KPNA3: variants seen among roughly 807,000 people sequenced by gnomAD.
The protein encoded by KPNA3 is karyopherin subunit alpha 3.
KPNA3 carries 13 observed loss-of-function variants against 73.8 expected under a neutral mutation model. That is an observed-to-expected ratio of 0.18 (90% CI 0.11 to 0.28). KPNA3 has a LOEUF of 0.28. Among genes scored for constraint, KPNA3 ranks in the 10% least tolerant of loss-of-function variants. The pLI is 1.00. For synonymous variants in KPNA3, 186 were observed against 206.9 expected, an observed-to-expected ratio of 0.90 and a Z score of 0.87; for missense variants, 360 against 618.1, an observed-to-expected ratio of 0.58 and a Z score of 4.43.
At chr13:49,758,288 T>C (rs1040960919) in intron 1 of KPNA3, among the ~76,000 whole-genome samples, 1 of 152,162 alleles carries the variant, frequency 6.6e-6, no homozygotes, top group African/African-American at 2.4e-5. Flanking sequence ...CGTATGAATA[T>C]GACAAAATCA....
At chr13:49,751,342 C>A (rs1954661530) in intron 1 of KPNA3, among the ~76,000 whole-genome samples, 2 of 152,152 alleles carry the variant, frequency 1.3e-5, no homozygotes, top group Non-Finnish European at 2.9e-5. Context: ...AACAAGTCAA[C>A]CAGAACAGGA....
chr13:49,718,414 C>T (rs1053011489), intron 10 of KPNA3, among the ~76,000 whole-genome samples: 3 of 152,170 alleles, frequency 2.0e-5, no homozygotes, highest in Non-Finnish European at 4.4e-5. Flanking sequence ...CTACAGTACA[C>T]TGCCACTTTA....
chr13:49,745,550 G>A (rs138823884), intron 2 of KPNA3, among the ~76,000 whole-genome samples: 3,055 of 151,720 alleles, frequency 0.02, 43 homozygotes, highest in South Asian at 0.03. Context: ...AGTAGACAGG[G>A]TTTCACCATG....
intron 2 of KPNA3, among the ~76,000 whole-genome samples, chr13:49,736,207 G>C (rs1954520097): frequency 6.6e-6 from 1 of 152,034 alleles, no homozygotes; most frequent in Admixed American, 6.6e-5. Context: ...AATGAGGTAG[G>C]AAAATATACT....
intron 1 of KPNA3, among the ~76,000 whole-genome samples, chr13:49,765,985 C>T (rs1283647665): frequency 6.6e-6 from 1 of 152,168 alleles, no homozygotes; most frequent in Non-Finnish European, 1.5e-5. Flanking sequence ...CCACATGTTC[C>T]TTAAGACATT....
intron 6 of KPNA3, among the ~76,000 whole-genome samples, chr13:49,731,450 A>G (rs1954468891): frequency 6.6e-6 from 1 of 152,186 alleles, no homozygotes; most frequent in Non-Finnish European, 1.5e-5. Flanking sequence ...ACTGTTACAG[A>G]AAACAAACAT....
intron 1 of KPNA3, among the ~76,000 whole-genome samples, chr13:49,773,027 A>G (rs1954867954): frequency 6.6e-6 from 1 of 152,204 alleles, no homozygotes; most frequent in East Asian, 1.9e-4. Flanking sequence ...ATATTCATAT[A>G]ATGAATATGA....
chr13:49,706,824 C>A (rs1954211875), intron 12 of KPNA3, among the ~76,000 whole-genome samples: 1 of 151,930 alleles, frequency 6.6e-6, no homozygotes, highest in South Asian at 2.1e-4. Flanking sequence ...TCTCGGCTCA[C>A]TGCAAGCTCC....
chr13:49,718,467 G>A (rs2137541632), intron 10 of KPNA3, among the ~76,000 whole-genome samples: 1 of 152,256 alleles, frequency 6.6e-6, no homozygotes, highest in Middle Eastern at 3.4e-3. Flanking sequence ...GATGGTGAAA[G>A]CTTTTATTTG....
At chr13:49,737,837 GGT>G (rs774852517) in intron 2 of KPNA3, among the ~76,000 whole-genome samples, 1 of 151,994 alleles carries the variant, frequency 6.6e-6, no homozygotes, top group South Asian at 2.1e-4. Flanking sequence ...CTGAATACGT[GGT>G]TTAACAGATA....
intron 2 of KPNA3, among the ~76,000 whole-genome samples, chr13:49,740,203 T>C (rs1180630780): frequency 2.0e-5 from 3 of 151,062 alleles, no homozygotes; most frequent in South Asian, 4.2e-4. Context: ...GCCAAGATTG[T>C]GCCACTGCAC....
intron 10 of KPNA3, among the ~76,000 whole-genome samples, chr13:49,712,948 G>A (rs2137537061): frequency 6.7e-6 from 1 of 149,794 alleles, no homozygotes; most frequent in Non-Finnish European, 1.5e-5. Flanking sequence ...ATCAACCTAT[G>A]TGAATGGGCC....
intron 2 of KPNA3, among the ~76,000 whole-genome samples, chr13:49,740,775 T>C (rs1954566558): frequency 6.6e-6 from 1 of 152,166 alleles, no homozygotes; most frequent in African/African-American, 2.4e-5. Context: ...CTGAAATTTT[T>C]TATACTTTGA....
intron 1 of KPNA3, among the ~76,000 whole-genome samples, chr13:49,758,038 GA>G (rs1475334571): frequency 6.6e-6 from 1 of 152,138 alleles, no homozygotes; most frequent in Non-Finnish European, 1.5e-5. Context: ...ATCAGATGCT[GA>G]GGGGGAAGGA....
intron 1 of KPNA3, among the ~76,000 whole-genome samples, chr13:49,766,954 CTTT>C (rs11348363): frequency 1.5e-5 from 2 of 132,472 alleles, no homozygotes; most frequent in Admixed American, 7.5e-5. Context: ...AATGGGATTC[CTTT>C]TTTTTTTTTT....
At chr13:49,727,795 T>A (rs1402766272) in intron 6 of KPNA3, among the ~76,000 whole-genome samples, 1 of 152,080 alleles carries the variant, frequency 6.6e-6, no homozygotes, top group Non-Finnish European at 1.5e-5. Flanking sequence ...GCAACATGAA[T>A]CCTGCTAAAA....
chr13:49,728,487 T>C (rs1954432327), intron 6 of KPNA3, among the ~76,000 whole-genome samples: 1 of 152,128 alleles, frequency 6.6e-6, no homozygotes, highest in South Asian at 2.1e-4. Context: ...AGATAAGCCG[T>C]AGACAACAGC....
intron 9 of KPNA3, among the ~76,000 whole-genome samples, chr13:49,720,757 C>T (rs1471113792): frequency 7.2e-6 from 1 of 139,398 alleles, no homozygotes; most frequent in Admixed American, 7.2e-5. Flanking sequence ...AAAGAGATAA[C>T]ACAGTCAACA....
At chr13:49,774,136 C>T (rs1954877489) in intron 1 of KPNA3, among the ~76,000 whole-genome samples, 1 of 151,942 alleles carries the variant, frequency 6.6e-6, no homozygotes, top group Non-Finnish European at 1.5e-5. Context: ...AACTCCTGCG[C>T]TCAAGTGATC....
Sources: gnomAD v4.1 joint callset for allele counts (sites outside exome capture counted in the v4.1 genomes callset) on GRCh38, gnomAD v4.1.1 for gene constraint, MANE v1.5 for transcripts, NCBI Gene and HGNC (gene_info 2026-07-23, HGNC 2026-07-21) for gene names.